CACNB2: variants seen among roughly 807,000 people sequenced by gnomAD.
CACNB2 encodes voltage-dependent L-type calcium channel subunit beta-2.
CACNB2 carries 42 observed loss-of-function variants against 73.3 expected under a neutral mutation model. The observed-to-expected ratio is 0.57, with a 90% confidence interval of 0.45 to 0.74. The LOEUF (loss-of-function observed/expected upper bound fraction) is 0.74. Among genes scored for constraint, CACNB2 ranks in the 30% least tolerant of loss-of-function variants. CACNB2 has a pLI of 0.00. For synonymous variants in CACNB2, 348 were observed against 310.3 expected, an observed-to-expected ratio of 1.12 and a Z score of -1.28; for missense variants, 940 against 853.0, an observed-to-expected ratio of 1.10 and a Z score of -1.27.
At chr10:18,345,316 G>T (rs926351905) in intron 2 of CACNB2, among the ~76,000 whole-genome samples, 15 of 152,086 alleles carry the variant, frequency 9.9e-5, no homozygotes, top group African/African-American at 3.6e-4. Context: ...TTATCACAAT[G>T]TATGCAGTAT....
intron 2 of CACNB2, among the ~76,000 whole-genome samples, chr10:18,374,485 T>A (rs2042713706): frequency 6.6e-6 from 1 of 152,168 alleles, no homozygotes; most frequent in African/African-American, 2.4e-5. Flanking sequence ...CCCAGCACTT[T>A]GGGAGGCTGA....
intron 2 of CACNB2, among the ~76,000 whole-genome samples, chr10:18,198,109 T>C (rs2034709269): frequency 6.7e-6 from 1 of 148,198 alleles, no homozygotes; most frequent in Admixed American, 6.8e-5. Context: ...TGTAATATAT[T>C]CATATGACAT....
intron 3 of CACNB2, among the ~76,000 whole-genome samples, chr10:18,409,726 G>A (rs961007393): frequency 1.3e-5 from 2 of 152,070 alleles, no homozygotes; most frequent in African/African-American, 4.8e-5. Flanking sequence ...GGTAGGAGTG[G>A]GCACCATTAT....
At chr10:18,383,277 A>G (rs561338445) in intron 2 of CACNB2, among the ~76,000 whole-genome samples, 5 of 152,240 alleles carry the variant, frequency 3.3e-5, no homozygotes, top group Non-Finnish European at 5.9e-5. Context: ...GTGGAATAGA[A>G]AGAAATTGAA....
intron 2 of CACNB2, among the ~76,000 whole-genome samples, chr10:18,282,002 A>AG (rs1554783411): frequency 2.0e-4 from 26 of 133,040 alleles, no homozygotes; most frequent in Non-Finnish European, 2.9e-4. Context: ...AAAAAAAAAA[A>AG]GGGGGAAATA....
intron 3 of CACNB2, among the ~76,000 whole-genome samples, chr10:18,482,081 A>G (rs948172335): frequency 6.6e-6 from 1 of 151,760 alleles, no homozygotes; most frequent in Non-Finnish European, 1.5e-5. Flanking sequence ...TTTAGTAGAG[A>G]TGGGGTTTTG....
intron 2 of CACNB2, among the ~76,000 whole-genome samples, chr10:18,347,094 A>T (rs1430511535): frequency 2.0e-5 from 3 of 152,194 alleles, no homozygotes; most frequent in African/African-American, 7.2e-5. Flanking sequence ...TTAATAGAAG[A>T]AAAAGGCTTT....
At chr10:18,231,653 T>C (rs2036230384) in intron 2 of CACNB2, among the ~76,000 whole-genome samples, 2 of 152,230 alleles carry the variant, frequency 1.3e-5, no homozygotes, top group South Asian at 2.1e-4. Flanking sequence ...CGGTAAGTGA[T>C]TGATTGACAG....
intron 2 of CACNB2, among the ~76,000 whole-genome samples, chr10:18,264,856 T>C (rs2037719053): frequency 6.6e-6 from 1 of 152,214 alleles, no homozygotes; most frequent in South Asian, 2.1e-4. Context: ...ATATTGTGAA[T>C]GTTTATGTAT....
At chr10:18,332,215 A>G (rs1014859104) in intron 2 of CACNB2, among the ~76,000 whole-genome samples, 2 of 152,162 alleles carry the variant, frequency 1.3e-5, no homozygotes, top group South Asian at 2.1e-4. Flanking sequence ...TGGCTGCTCT[A>G]TGGAGATTGG....
At chr10:18,317,585 A>T (rs1402216230) in intron 2 of CACNB2, among the ~76,000 whole-genome samples, 2 of 152,168 alleles carry the variant, frequency 1.3e-5, no homozygotes, top group Non-Finnish European at 2.9e-5. Flanking sequence ...TTATGGCTGC[A>T]TAGTATCCTG....
intron 3 of CACNB2, among the ~76,000 whole-genome samples, chr10:18,435,810 C>T (rs2046105989): frequency 6.6e-6 from 1 of 151,862 alleles, no homozygotes; most frequent in African/African-American, 2.4e-5. Flanking sequence ...CCCAACCAAC[C>T]CAAAATTTTT....
intron 4 of CACNB2, among the ~76,000 whole-genome samples, chr10:18,499,640 G>GAAA (rs2050073829): frequency 3.3e-4 from 35 of 107,300 alleles, no homozygotes; most frequent in Admixed American, 6.7e-4. Context: ...AAAAAAAAAA[G>GAAA]AACCTAGAAG....
chr10:18,475,119 T>C (rs2048374974), intron 3 of CACNB2, among the ~76,000 whole-genome samples: 2 of 150,560 alleles, frequency 1.3e-5, no homozygotes, highest in Admixed American at 6.7e-5. Flanking sequence ...GAGAGAGGGA[T>C]GGGAGAGGGT....
chr10:18,178,010 A>G (rs1223704346), intron 2 of CACNB2, among the ~76,000 whole-genome samples: 1 of 152,104 alleles, frequency 6.6e-6, no homozygotes, highest in African/African-American at 2.4e-5. Flanking sequence ...CACAGTGACC[A>G]TCCTGGGAGA....
At chr10:18,364,029 C>G (rs1049140511) in intron 2 of CACNB2, among the ~76,000 whole-genome samples, 18 of 150,412 alleles carry the variant, frequency 1.2e-4, no homozygotes, top group African/African-American at 4.2e-4. Context: ...CTCACTGAAA[C>G]CTCCGCCTCC....
intron 3 of CACNB2, among the ~76,000 whole-genome samples, chr10:18,411,614 T>G (rs2044634106): frequency 6.7e-6 from 1 of 149,434 alleles, no homozygotes; most frequent in Non-Finnish European, 1.5e-5. Context: ...GTTCAAGCAA[T>G]TCTCCTGCCT....
intron 2 of CACNB2, among the ~76,000 whole-genome samples, chr10:18,336,867 T>A (rs1233200314): frequency 6.6e-6 from 1 of 152,208 alleles, no homozygotes; most frequent in East Asian, 1.9e-4. Flanking sequence ...TGTTAGACAC[T>A]TAAACTTTAT....
chr10:18,195,069 T>C (rs1029436064), intron 2 of CACNB2, among the ~76,000 whole-genome samples: 3 of 152,214 alleles, frequency 2.0e-5, no homozygotes, highest in Non-Finnish European at 2.9e-5. Context: ...AATGAAGATA[T>C]GGCATTTCTT....
Sources: gnomAD v4.1 joint callset for allele counts (sites outside exome capture counted in the v4.1 genomes callset) on GRCh38, gnomAD v4.1.1 for gene constraint, MANE v1.5 for transcripts, NCBI Gene and HGNC (gene_info 2026-07-23, HGNC 2026-07-21) for gene names.